CCDC12: variants seen among roughly 807,000 people sequenced by gnomAD.
CCDC12 encodes the protein coiled-coil domain containing 12.
In CCDC12, 28 loss-of-function variants were observed where a neutral mutation model predicts 25.7. That is an observed-to-expected ratio of 1.09 (90% CI 0.81 to 1.50). The LOEUF (loss-of-function observed/expected upper bound fraction) is 1.50, where lower values mean the gene tolerates loss of function less well. CCDC12 is among the 40% of genes most tolerant of loss of function. The pLI is 0.00. For synonymous variants in CCDC12, 75 were observed against 87.7 expected (o/e 0.86, Z 0.81); for missense variants, 198 against 210.0 (o/e 0.94, Z 0.35).
chr3:46,931,078 G>A (rs2033192740), intron 2 of CCDC12, among the ~76,000 whole-genome samples: 1 of 152,250 alleles, frequency 6.6e-6, no homozygotes, highest in African/African-American at 2.4e-5. Flanking sequence ...ACATTTGGAA[G>A]CAAAGAAGTT....
intron 2 of CCDC12, among the ~76,000 whole-genome samples, chr3:46,927,713 T>C (rs1236259200): frequency 2.6e-5 from 4 of 152,224 alleles, no homozygotes; most frequent in Non-Finnish European, 5.9e-5. Flanking sequence ...ACGGCTGTGC[T>C]GGGTGCATCC....
intron 5 of CCDC12, chr3:46,923,058 C>T: frequency 2.8e-6 from 1 of 356,122 alleles, no homozygotes; most frequent in Non-Finnish European, 5.0e-6. Flanking sequence ...CAAATGGGAG[C>T]TCTGGAGCAG....
At chr3:46,926,633 G>A (rs2032971058) in intron 2 of CCDC12, among the ~76,000 whole-genome samples, 1 of 152,134 alleles carries the variant, frequency 6.6e-6, no homozygotes, top group Non-Finnish European at 1.5e-5. Context: ...CCACAGGGCG[G>A]CAGGGCGAGA....
upstream of CCDC12, among the ~76,000 whole-genome samples, chr3:46,981,335 G>C (rs549330199): frequency 3.5e-4 from 53 of 152,248 alleles, no homozygotes; most frequent in Non-Finnish European, 5.3e-4. Flanking sequence ...CCAGCTACTC[G>C]GGAGGCTGAG....
chr3:46,952,699 G>A (rs2034164882), intron 1 of CCDC12, among the ~76,000 whole-genome samples: 2 of 152,112 alleles, frequency 1.3e-5, no homozygotes, highest in South Asian at 4.1e-4. Flanking sequence ...CAATTCTTTG[G>A]TAATAACAGT....
intron 1 of CCDC12, among the ~76,000 whole-genome samples, chr3:46,955,839 G>A (rs186186068): frequency 9.8e-5 from 15 of 152,324 alleles, no homozygotes; most frequent in Admixed American, 7.8e-4. Flanking sequence ...TGAGTCTGTC[G>A]GGAGGAACAG....
rs1423888707 is a variant in CCDC12 at position 46,976,737 on chromosome 3, C to A, written c.-5G>T. On this transcript the variant is annotated 5_prime_UTR_variant, in exon 1 of 7. Transcript: ENST00000683445. Reference sequence around the variant, plus strand: ...ACCAGCCGTAGTTGCCTCCATCTTGCCCGCGTACGCCCCTCCTTTTCTCCC... The same window carrying A: ...ACCAGCCGTAGTTGCCTCCATCTTGACCGCGTACGCCCCTCCTTTTCTCCC... 6.2e-7 allele frequency: 1 copy of A among 1,601,630 alleles called. No homozygotes were observed. Among genetic ancestry groups the A allele is most frequent in the African/African-American group, 1.3e-5 (1 of 74,622 alleles).
chr3:46,938,309 C>T (rs182103532), intron 2 of CCDC12, among the ~76,000 whole-genome samples: 37 of 152,248 alleles, frequency 2.4e-4, no homozygotes, highest in Non-Finnish European at 3.5e-4. Flanking sequence ...GGAAGCAGGT[C>T]CTCACATGGC....
intron 1 of CCDC12, among the ~76,000 whole-genome samples, chr3:46,960,657 T>C (rs565696693): frequency 1.3e-5 from 2 of 152,262 alleles, no homozygotes; most frequent in Non-Finnish European, 2.9e-5. Flanking sequence ...ATACAAGCTG[T>C]TGCTTCCCTC....
rs78719121 is a variant in CCDC12, at chr3:46,927,612, G to A, written c.165-2077C>T. Among the ~76,000 whole-genome samples the A allele has an allele frequency of 5.3e-5, 8 of 152,278 alleles. No individual in the cohort carries two copies. In the East Asian group the frequency reaches 1.4e-3, roughly 26 times the overall value. ...CACTGTGCCCTGCCACCCCCAGAGCGGAGCACTGGCCAAGCAGCCAAGAAC... is the reference window on the plus strand; with the variant it reads ...CACTGTGCCCTGCCACCCCCAGAGCAGAGCACTGGCCAAGCAGCCAAGAAC... On this transcript the variant is annotated intron_variant, in intron 2 of 6. Coordinates refer to ENST00000683445, the MANE Select transcript of CCDC12 (RefSeq NM_001277074.2).
At position 46,921,981 on chromosome 3, in the gene CCDC12, G is replaced by T. The variant is rs1299050186; in HGVS notation, c.*76C>A. The T allele has an allele frequency of 5.9e-6, 9 of 1,515,112 alleles. No homozygotes were observed. The highest frequency in any genetic ancestry group is 3.4e-5 in the Admixed American group (2 of 58,568). 93.9% of individuals were successfully genotyped at this position (1,515,112 alleles called of 1,614,324 possible). A position where few individuals can be genotyped will look rare whatever the true frequency, so the allele number is the denominator to read the frequency against. ...GAAGCCAAACTGGAGGTGATGGCAAGCCTAGCCCCCATCCCTGCCCAAGAC... is the reference window on the plus strand; with the variant it reads ...GAAGCCAAACTGGAGGTGATGGCAATCCTAGCCCCCATCCCTGCCCAAGAC... On this transcript the variant is annotated 3_prime_UTR_variant, in exon 7 of 7. Coordinates refer to ENST00000683445, the MANE Select transcript of CCDC12 (RefSeq NM_001277074.2).
chr3:46,945,770 T>C (rs1024604978), intron 1 of CCDC12, among the ~76,000 whole-genome samples: 4 of 152,372 alleles, frequency 2.6e-5, no homozygotes, highest in Middle Eastern at 3.4e-3. Flanking sequence ...ACCTAAGTTA[T>C]TGAATTTACT....
chr3:46,977,635 G>C (rs2035035507), upstream of CCDC12, among the ~76,000 whole-genome samples: 1 of 152,158 alleles, frequency 6.6e-6, no homozygotes, highest in Admixed American at 6.5e-5. Flanking sequence ...GACAAAGCCT[G>C]CACAGTGAGG....
chr3:46,970,348 A>G (rs2034767865), intron 1 of CCDC12, among the ~76,000 whole-genome samples: 1 of 152,008 alleles, frequency 6.6e-6, no homozygotes, highest in African/African-American at 2.4e-5. Context: ...GCCCAAGACA[A>G]TTCTTCTTCC....
intron 1 of CCDC12, among the ~76,000 whole-genome samples, chr3:46,968,097 G>A (rs1369058846): frequency 6.6e-6 from 1 of 152,124 alleles, no homozygotes; most frequent in Non-Finnish European, 1.5e-5. Context: ...CTCACCATAG[G>A]TATGTGTTGG....
chr3:46,938,450 T>C (rs1327657537), intron 2 of CCDC12, among the ~76,000 whole-genome samples: 1 of 151,220 alleles, frequency 6.6e-6, no homozygotes, highest in African/African-American at 2.4e-5. Context: ...CTAACACATA[T>C]ACTCACCTCC....
chr3:46,955,941 C>T (rs1283059292), intron 1 of CCDC12, among the ~76,000 whole-genome samples: 1 of 152,204 alleles, frequency 6.6e-6, no homozygotes, highest in Admixed American at 6.5e-5. Flanking sequence ...CCACCAATAC[C>T]CCGGAATCAG....
intron 5 of CCDC12, chr3:46,923,097 T>C: frequency 2.5e-6 from 1 of 401,482 alleles, no homozygotes; most frequent in Non-Finnish European, 4.3e-6. Context: ...AGGAGGGCCT[T>C]CATGAGGGGC....
upstream of CCDC12, among the ~76,000 whole-genome samples, chr3:46,980,100 C>T (rs1220298850): frequency 6.6e-6 from 1 of 152,098 alleles, no homozygotes; most frequent in Non-Finnish European, 1.5e-5. Context: ...GTGCCTCTGG[C>T]ACTTATGCCT....
Sources: gnomAD v4.1 joint callset for allele counts (sites outside exome capture counted in the v4.1 genomes callset) on GRCh38, gnomAD v4.1.1 for gene constraint, MANE v1.5 for transcripts, NCBI Gene and HGNC (gene_info 2026-07-23, HGNC 2026-07-21) for gene names.